Variants in TMOD1 observed in about 807,000 individuals in gnomAD.
The protein encoded by TMOD1 is tropomodulin 1.
TMOD1 carries 17 observed loss-of-function variants against 40.6 expected under a neutral mutation model. That is an observed-to-expected ratio of 0.42 (90% CI 0.29 to 0.63). TMOD1 has a LOEUF of 0.63. Ranked by LOEUF, TMOD1 falls within the 20% of genes least tolerant of loss-of-function variation. The probability of loss-of-function intolerance (pLI) is 0.22; values close to 1 mark genes in which losing one functional copy is unlikely to be tolerated. For missense variants in TMOD1, 391 were observed against 447.6 expected (o/e 0.87, Z 1.14); for synonymous variants, 181 against 175.0 (o/e 1.03, Z -0.27).
intron 1 of TMOD1, among the ~76,000 whole-genome samples, chr9:97,507,165 A>C (rs1829603792): frequency 6.6e-6 from 1 of 152,150 alleles, no homozygotes; most frequent in Admixed American, 6.5e-5. Flanking sequence ...CTGGTCAGCA[A>C]ACTTCTTGCA....
chr9:97,528,433 A>G (rs566085894), intron 2 of TMOD1, among the ~76,000 whole-genome samples: 1 of 152,302 alleles, frequency 6.6e-6, no homozygotes, highest in South Asian at 2.1e-4. Context: ...CTCTCAGTTC[A>G]AAGAAAAGAG....
chr9:97,585,790 A>C (rs1365051612), intron 8 of TMOD1, among the ~76,000 whole-genome samples: 1 of 137,724 alleles, frequency 7.3e-6, no homozygotes, highest in Non-Finnish European at 1.6e-5. Flanking sequence ...CTTCCAGTTG[A>C]TCGCATCGGC....
chr9:97,536,685 C>A (rs989280898), intron 2 of TMOD1, among the ~76,000 whole-genome samples: 1 of 152,050 alleles, frequency 6.6e-6, no homozygotes, highest in Non-Finnish European at 1.5e-5. Flanking sequence ...CCTGGGCTCT[C>A]GGTCCAGCGT....
At chr9:97,550,730 TG>T (rs1393468931) in intron 3 of TMOD1, among the ~76,000 whole-genome samples, 1 of 152,146 alleles carries the variant, frequency 6.6e-6, no homozygotes, top group East Asian at 1.9e-4. Context: ...TTTTTCCTTT[TG>T]TTGTTGAGTT....
In TMOD1 at chr9:97,514,239, T is replaced by C. The variant is rs1413135376; in HGVS notation, c.-48-9902T>C. Among the ~76,000 whole-genome samples the C allele has an allele frequency of 7.3e-5, 6 of 82,560 alleles. No individual in the cohort carries two copies. In the East Asian group the frequency reaches 2.2e-3, roughly 31 times the overall value. The allele number at this position is 82,560 out of a possible 152,430, so 54.2% of individuals were successfully genotyped here. A position where few individuals can be genotyped will look rare whatever the true frequency, so the allele number is the denominator to read the frequency against. Reference sequence around the variant, plus strand: ...ACCACACCTGGCTAATGTTTTTTTTTTGGGGGGGGGGTTGTGTTTTCTTTT... The same window carrying C: ...ACCACACCTGGCTAATGTTTTTTTTCTGGGGGGGGGGTTGTGTTTTCTTTT... On this transcript the variant is annotated intron_variant, in intron 1 of 9. Transcript: ENST00000259365.
rs111861386 is a variant in TMOD1, at chr9:97,591,349, C to T, written c.929C>T (p.Ala310Val). Residue 310 changes from alanine (A) to valine (V), a missense_variant, in exon 9 of 10, where the codon GCA (alanine) becomes GTA (valine). Coordinates refer to ENST00000259365, the MANE Select transcript of TMOD1 (RefSeq NM_003275.4). ...ATTGTGAGCATGTTGGAAAAAAACG[C>T]AACACTTCTCAAATTCGGCTACCAC... Reference protein sequence around the residue: ...MEIVSMLEKNATLLKFGYHFT... With the variant: ...MEIVSMLEKNVTLLKFGYHFT... 4.3e-6 allele frequency: 7 copies of T among 1,614,052 alleles called. No individual in the cohort carries two copies. In the African/African-American group the frequency reaches 5.3e-5, roughly 12 times the overall value.
chr9:97,569,991 T>C (rs1830794436), intron 8 of TMOD1, among the ~76,000 whole-genome samples: 1 of 152,204 alleles, frequency 6.6e-6, no homozygotes, highest in African/African-American at 2.4e-5. Flanking sequence ...AATGGTTGTA[T>C]AAATGTATGC....
At position 97,524,141 on chromosome 9, in the gene TMOD1, G is replaced by A; in HGVS notation, c.-48G>A. ...TCTAAGGTTCTTGTCTTTCTGGTAGGTATTACTCAGCACAGAAATTCAGGA... is the reference window on the plus strand; with the variant it reads ...TCTAAGGTTCTTGTCTTTCTGGTAGATATTACTCAGCACAGAAATTCAGGA... On this transcript the variant is annotated splice_region_variant and 5_prime_UTR_variant, in exon 2 of 10. Coordinates refer to ENST00000259365, the MANE Select transcript of TMOD1 (RefSeq NM_003275.4). 3.7e-6 allele frequency: 6 copies of A among 1,600,830 alleles called. No homozygotes were observed. Among genetic ancestry groups the A allele is most frequent in the Non-Finnish European group, 5.1e-6 (6 of 1,174,066 alleles).
intron 2 of TMOD1, among the ~76,000 whole-genome samples, chr9:97,527,195 T>C (rs1259334400): frequency 6.6e-6 from 1 of 152,216 alleles, no homozygotes; most frequent in Non-Finnish European, 1.5e-5. Flanking sequence ...CTGTTCTAAT[T>C]CTATCCTAGA....
At chr9:97,598,434 G>A (rs1433268300) in intron 9 of TMOD1, among the ~76,000 whole-genome samples, 1 of 151,980 alleles carries the variant, frequency 6.6e-6, no homozygotes, top group Admixed American at 6.6e-5. Flanking sequence ...CATAAAATGG[G>A]AATGGTAACT....
At chr9:97,506,135 G>A (rs1036695169) in intron 1 of TMOD1, among the ~76,000 whole-genome samples, 48 of 152,124 alleles carry the variant, frequency 3.2e-4, no homozygotes, top group African/African-American at 1.2e-3. Flanking sequence ...CTTCAGTGCT[G>A]TTCTCCCTCT....
In TMOD1 at chr9:97,599,686, G is replaced by A. The variant is rs776450642; in HGVS notation, c.1068G>A (p.Arg356=). The A allele has an allele frequency of 1.9e-6, 3 of 1,614,194 alleles. No individual in the cohort carries two copies. Among genetic ancestry groups the A allele is most frequent in the Admixed American group, 1.7e-5 (1 of 60,026 alleles). Residue 356 remains arginine, a synonymous_variant, in exon 10 of 10, where the codon CGG becomes CGA. Transcript: ENST00000259365. The part of the protein sequence containing the change: ...DLTGPIIPKC[R]SGV ...CTGGGCCCATCATTCCCAAGTGCCG[G>A]AGTGGTGTCTAGTGTGTGGCGGTGG...
chr9:97,522,249 T>C (rs1009216962), intron 1 of TMOD1, among the ~76,000 whole-genome samples: 1 of 152,192 alleles, frequency 6.6e-6, no homozygotes, highest in African/African-American at 2.4e-5. Context: ...GGCTGCCTTC[T>C]GGTGGCTTGC....
At chr9:97,522,338 T>C (rs1017731978) in intron 1 of TMOD1, among the ~76,000 whole-genome samples, 10 of 152,166 alleles carry the variant, frequency 6.6e-5, no homozygotes, top group African/African-American at 2.2e-4. Context: ...ATTCTCTTAG[T>C]GTGCTATATC....
intron 4 of TMOD1, 64 bp downstream of exon 4, chr9:97,553,464 C>T (rs1467994544): frequency 1.4e-5 from 23 of 1,600,198 alleles, no homozygotes; most frequent in Non-Finnish European, 2.0e-5. Context: ...CTGCAGGGAG[C>T]CTTGTAGGGC....
rs1826253443 is a variant in TMOD1, at chr9:97,601,322, T to G, written c.*1624T>G. 1 of 1,155,758 alleles carries G rather than the reference T, an allele frequency of 8.7e-7. No homozygotes were observed. Among genetic ancestry groups the G allele is most frequent in the Non-Finnish European group, 1.1e-6 (1 of 921,308 alleles). 71.6% of individuals were successfully genotyped at this position (1,155,758 alleles called of 1,614,324 possible). A position where few individuals can be genotyped will look rare whatever the true frequency, so the allele number is the denominator to read the frequency against. ...GTGCCTGGCACACTGGCCAGAAGAC[T>G]GGGCAGCCACCATGGCAGTGCTGGA... On this transcript the variant is annotated 3_prime_UTR_variant, in exon 10 of 10. Coordinates refer to ENST00000259365, the MANE Select transcript of TMOD1 (RefSeq NM_003275.4).
intron 8 of TMOD1, among the ~76,000 whole-genome samples, chr9:97,590,623 T>G (rs538598848): frequency 1.1e-3 from 171 of 151,304 alleles, no homozygotes; most frequent in African/African-American, 3.8e-3. Flanking sequence ...GTCTTTCTGT[T>G]TTTTTTTTTC....
intron 2 of TMOD1, among the ~76,000 whole-genome samples, chr9:97,538,120 A>G (rs1830212423): frequency 6.6e-6 from 1 of 152,204 alleles, no homozygotes; most frequent in African/African-American, 2.4e-5. Context: ...TGAACGCTCT[A>G]GTATGCCCCA....
intron 3 of TMOD1, among the ~76,000 whole-genome samples, chr9:97,549,224 G>A (rs577442258): frequency 2.0e-5 from 3 of 152,318 alleles, no homozygotes; most frequent in African/African-American, 7.2e-5. Flanking sequence ...TCCAGGGCTA[G>A]TAAGGCATAT....
Sources: gnomAD v4.1 joint callset for allele counts (sites outside exome capture counted in the v4.1 genomes callset) on GRCh38, gnomAD v4.1.1 for gene constraint, MANE v1.5 for transcripts, NCBI Gene and HGNC (gene_info 2026-07-23, HGNC 2026-07-21) for gene names.